CEP76: variants seen among roughly 807,000 people sequenced by gnomAD.
The protein encoded by CEP76 is centrosomal protein of 76 kDa.
In CEP76, 55 loss-of-function variants were observed where a neutral mutation model predicts 83.3. The observed-to-expected ratio is 0.66, with a 90% CI of 0.53 to 0.83. CEP76 has a LOEUF of 0.83. CEP76 is among the 40% of genes least tolerant of loss of function. The probability of loss-of-function intolerance (pLI) is 0.00; values close to 1 mark genes in which losing one functional copy is unlikely to be tolerated. For synonymous variants in CEP76, 270 were observed against 274.5 expected, an observed-to-expected ratio of 0.98 and a Z score of 0.16; for missense variants, 694 against 799.5, an observed-to-expected ratio of 0.87 and a Z score of 1.59.
intron 5 of CEP76, among the ~76,000 whole-genome samples, chr18:12,696,140 T>C (rs371565861): frequency 2.9e-4 from 44 of 152,324 alleles, no homozygotes; most frequent in African/African-American, 1.0e-3. Context: ...GAAAATAAAT[T>C]TCTTACATAA....
intron 11 of CEP76, among the ~76,000 whole-genome samples, chr18:12,674,314 T>C (rs2039042153): frequency 6.6e-6 from 1 of 151,828 alleles, no homozygotes; most frequent in Non-Finnish European, 1.5e-5. Flanking sequence ...TGGTGGCACA[T>C]GCCTGTGGTC....
intron 5 of CEP76, among the ~76,000 whole-genome samples, chr18:12,696,623 T>C (rs1469485104): frequency 1.3e-5 from 2 of 152,118 alleles, no homozygotes; most frequent in African/African-American, 2.4e-5. Context: ...AGATAAAACA[T>C]TGGTAGGTTT....
rs1568008377 is a variant in CEP76 at position 12,673,293 on chromosome 18, A to C, written c.*72T>G. On this transcript the variant is annotated 3_prime_UTR_variant, in exon 12 of 12. Coordinates refer to ENST00000262127, the MANE Select transcript of CEP76 (RefSeq NM_024899.4). ...TGTGATTTTAAAATAACAAACCTCT[A>C]AATAGCTAAGTAATGTACAATGTGT... The C allele has an allele frequency of 6.6e-7, 1 of 1,517,312 alleles. No homozygotes were observed. Among genetic ancestry groups the C allele is most frequent in the Admixed American group, 2.5e-5 (1 of 40,538 alleles). The allele number at this position is 1,517,312 out of a possible 1,614,324, so 94.0% of individuals were successfully genotyped here.
rs1804047500 is a variant in CEP76, at chr18:12,673,632, C to G, written c.1842-129G>C. 7 of 642,470 alleles carry G rather than the reference C, an allele frequency of 1.1e-5. No individual in the cohort carries two copies. In the Admixed American group the frequency reaches 2.4e-4, roughly 22 times the overall value. The allele number at this position is 642,470 out of a possible 1,614,324, so 39.8% of individuals were successfully genotyped here. A position where few individuals can be genotyped will look rare whatever the true frequency, so the allele number is the denominator to read the frequency against. On this transcript the variant is annotated intron_variant, in intron 11 of 11. Coordinates refer to ENST00000262127, the MANE Select transcript of CEP76 (RefSeq NM_024899.4). ...TGGTGGCTCATGCCTGTAATCCCAGCACTTTGGGAGGCCGAGACAGGTGGA... is the reference window on the plus strand; with the variant it reads ...TGGTGGCTCATGCCTGTAATCCCAGGACTTTGGGAGGCCGAGACAGGTGGA...
chr18:12,700,527 G>A (rs1320398598), intron 2 of CEP76, among the ~76,000 whole-genome samples: 1 of 152,092 alleles, frequency 6.6e-6, no homozygotes, highest in Non-Finnish European at 1.5e-5. Flanking sequence ...GGACTCTTAT[G>A]CAGTCAATTA....
chr18:12,700,914 A>T, intron 2 of CEP76, 44 bp downstream of exon 2: 1 of 1,497,662 alleles, frequency 6.7e-7, no homozygotes, highest in Non-Finnish European at 9.2e-7. Flanking sequence ...ACGCATTAGT[A>T]TATACATATA....
intron 7 of CEP76, among the ~76,000 whole-genome samples, chr18:12,687,906 G>T (rs9954201): frequency 6.6e-6 from 1 of 151,948 alleles, no homozygotes; most frequent in Non-Finnish European, 1.5e-5. Context: ...AATATTAAAA[G>T]AATATCCTCA....
At chr18:12,698,156 TTTTA>T (rs1160293872) in intron 4 of CEP76, among the ~76,000 whole-genome samples, 13 of 147,040 alleles carry the variant, frequency 8.8e-5, no homozygotes, top group Admixed American at 7.3e-4. Flanking sequence ...TGACTTTTTA[TTTTA>T]TTTATATTTA....
rs955716836 is a variant in CEP76, at chr18:12,678,115, G to A, written c.1617C>T (p.His539=). 1 of 1,608,972 alleles carries A rather than the reference G, an allele frequency of 6.2e-7. No individual in the cohort carries two copies. The highest frequency in any genetic ancestry group is 8.5e-7 in the Non-Finnish European group (1 of 1,175,434). ...EMQLRLLVSE[H]RKDLGLTTVW... is the part of the protein sequence containing the mutation. ...CTATTTCAGTGTGAATTACCTTCCT[G>A]TGTTCTGACACCAGGAGCCTCAGCT... Residue 539 remains histidine, a synonymous_variant, in exon 10 of 12, where the codon CAC becomes CAT. Coordinates refer to ENST00000262127, the MANE Select transcript of CEP76 (RefSeq NM_024899.4).
chr18:12,674,441 T>TAAAAA, intron 11 of CEP76, 95 bp downstream of exon 11: 1 of 715,114 alleles, frequency 1.4e-6, no homozygotes, highest in Non-Finnish European at 2.2e-6. Flanking sequence ...GACCTTGAGT[T>TAAAAA]AAAAAAAAAA....
At chr18:12,684,016 A>T (rs2039451037) in intron 8 of CEP76, among the ~76,000 whole-genome samples, 1 of 150,364 alleles carries the variant, frequency 6.7e-6, no homozygotes, top group Non-Finnish European at 1.5e-5. Flanking sequence ...CATATATATG[A>T]TATCATATAT....
At chr18:12,669,446 C>T (rs2038884757), downstream of CEP76, among the ~76,000 whole-genome samples, 1 of 151,926 alleles carries the variant, frequency 6.6e-6, no homozygotes, top group African/African-American at 2.4e-5. Flanking sequence ...TGCCATCTCA[C>T]TATGTTGACC....
At chr18:12,695,948 C>G (rs1045458309) in intron 5 of CEP76, among the ~76,000 whole-genome samples, 6 of 151,808 alleles carry the variant, frequency 4.0e-5, no homozygotes, top group African/African-American at 1.5e-4. Flanking sequence ...TCCCCATTAT[C>G]CAATTACAGG....
chr18:12,677,374 G>T (rs1479070585), intron 10 of CEP76, among the ~76,000 whole-genome samples: 2 of 148,246 alleles, frequency 1.3e-5, no homozygotes, highest in Non-Finnish European at 1.5e-5. Context: ...GGAGGTAGAG[G>T]TTGCAGTGAA....
Position 12,678,267 on chromosome 18 carries a change from TC to T in CEP76, c.1464del (p.Trp488Ter). 1 of 1,614,164 alleles carries T rather than the reference TC, an allele frequency of 6.2e-7. No homozygotes were observed. The highest frequency in any genetic ancestry group is 1.1e-5 in the South Asian group (1 of 91,086). ...TTAATTGCTTCCTCACTCATGGGTT[TC>T]CATTTGGATTCATCGTTCAAATCAA... ...CVFDLNDESK[W>X]KPMSEEAIKS... On this transcript the variant is annotated frameshift_variant, in exon 10 of 12. Coordinates refer to ENST00000262127, the MANE Select transcript of CEP76 (RefSeq NM_024899.4). LOFTEE classifies it high-confidence loss of function.
intron 7 of CEP76, among the ~76,000 whole-genome samples, chr18:12,689,471 A>G (rs2039669113): frequency 6.6e-6 from 1 of 152,222 alleles, no homozygotes; most frequent in Non-Finnish European, 1.5e-5. Context: ...ACTGTTTACA[A>G]AAAGAGCCAA....
chr18:12,685,546 A>C (rs2039510939), intron 8 of CEP76: 1 of 152,190 alleles, frequency 6.6e-6, no homozygotes, highest in African/African-American at 2.4e-5. Context: ...CAAGGTTCTG[A>C]CGTGGTCAAG....
rs1260778957 is a variant in CEP76, at chr18:12,697,235, G to T, written c.694C>A (p.Leu232Ile). 2 of 1,612,332 alleles carry T rather than the reference G, an allele frequency of 1.2e-6. No individual in the cohort carries two copies. The highest frequency in any genetic ancestry group is 2.2e-5 in the South Asian group (2 of 90,826). Reference sequence around the variant, plus strand: ...TTAATCACCATACCTACACCCATAAGTTCCACAGTCAGACTGGTCACTCCA... The same window carrying T: ...TTAATCACCATACCTACACCCATAATTTCCACAGTCAGACTGGTCACTCCA... Reference protein sequence around the residue: ...ENGVTSLTVELMGVGTESKVS... With the variant: ...ENGVTSLTVEIMGVGTESKVS... The change falls in exon 5 of 12, where the codon CTT becomes ATT. Residue 232 changes from leucine to isoleucine, a missense_variant. Transcript: ENST00000262127.
chr18:12,691,406 G>A lies in CEP76; in HGVS notation c.886C>T (p.Gln296Ter). 1 of 1,607,510 alleles carries A rather than the reference G, an allele frequency of 6.2e-7. No homozygotes were observed. Among genetic ancestry groups the A allele is most frequent in the Non-Finnish European group, 8.5e-7 (1 of 1,176,324 alleles). Residue 296 changes from glutamine to a stop codon, truncating the protein, a stop_gained, in exon 7 of 12, where the codon CAA becomes TAA. Coordinates refer to ENST00000262127, the MANE Select transcript of CEP76 (RefSeq NM_024899.4). LOFTEE classifies it high-confidence loss of function. ...YAKQWWREYL[Q>*]IRPSHNSRLV... is the part of the protein sequence containing the mutation. ...CGTGAGTTGTGTGAGGGTCGAATTT[G>A]CAAATATTCTCTCCACCACTGCTTA...
Sources: allele counts gnomAD v4.1 joint callset (sites outside exome capture counted in the v4.1 genomes callset), GRCh38; gene constraint gnomAD v4.1.1; transcripts MANE v1.5; gene names NCBI Gene and HGNC (gene_info 2026-07-23, HGNC 2026-07-21).